The following RNF145 variants were observed in gnomAD, a reference collection of about 807,000 sequenced individuals.
RNF145 encodes the protein ring finger protein 145.
A neutral mutation model predicts 57.3 loss-of-function variants in RNF145; 12 were observed. The ratio of observed to expected loss-of-function variants is 0.21; its 90% CI spans 0.13 to 0.34. The LOEUF (loss-of-function observed/expected upper bound fraction) is 0.34. Among genes scored for constraint, RNF145 ranks in the 10% least tolerant of loss-of-function variants. RNF145 has a pLI of 1.00. For missense variants in RNF145, 429 were observed against 799.0 expected (o/e 0.54, Z 5.58); for synonymous variants, 262 against 288.3 (o/e 0.91, Z 0.92).
intron 8 of RNF145, among the ~76,000 whole-genome samples, chr5:159,168,244 C>CTACT (rs1379410555): frequency 1.3e-5 from 2 of 152,100 alleles, no homozygotes; most frequent in African/African-American, 2.4e-5. Context: ...ATATATACTA[C>CTACT]TACTATGTAT....
chr5:159,169,151 T>C (rs1784470680), intron 7 of RNF145, 96 bp from the exon 8 acceptor site: 2 of 990,816 alleles, frequency 2.0e-6, no homozygotes, highest in East Asian at 2.6e-5. Context: ...TCTTGTTACA[T>C]ATTTTTAAAT....
chr5:159,197,054 G>A (rs1785485223), intron 2 of RNF145, among the ~76,000 whole-genome samples: 1 of 152,142 alleles, frequency 6.6e-6, no homozygotes, highest in Admixed American at 6.5e-5. Context: ...CAAAATTAAT[G>A]TGAATAATAA....
intron 3 of RNF145, among the ~76,000 whole-genome samples, chr5:159,189,667 T>C (rs555191268): frequency 1.3e-5 from 2 of 152,362 alleles, no homozygotes; most frequent in African/African-American, 4.8e-5. Context: ...TTATTCATAA[T>C]AGCTAAAACA....
chr5:159,183,091 T>C (rs1784948013), intron 3 of RNF145, among the ~76,000 whole-genome samples: 1 of 152,154 alleles, frequency 6.6e-6, no homozygotes, highest in Non-Finnish European at 1.5e-5. Flanking sequence ...CTAAAAATTG[T>C]TAAAAGAATT....
chr5:159,208,211 T>TAGCAGCAGC lies in RNF145; in HGVS notation c.-40+1011_-40+1019dup, dbSNP rs1022305858. 3.9e-6 allele frequency: 5 copies of TAGCAGCAGC among 1,297,854 alleles called. No homozygotes were observed. The African/African-American group carries it at 6.0e-5, about 16-fold the overall frequency. 80.4% of individuals were successfully genotyped at this position (1,297,854 alleles called of 1,614,324 possible). A position where few individuals can be genotyped will look rare whatever the true frequency, so the allele number is the denominator to read the frequency against. ...CGGCAAGCAGGCAGCGCAGCAGCAGTAGCAGCAGCAACCGGGCCGCCGCCG... is the reference window on the plus strand; with the variant it reads ...CGGCAAGCAGGCAGCGCAGCAGCAGTAGCAGCAGCAGCAGCAGCAACCGGGCCGCCGCCG... On this transcript the variant is annotated intron_variant, in intron 1 of 10. Coordinates refer to ENST00000424310, the MANE Select transcript of RNF145 (RefSeq NM_001199383.2).
At chr5:159,204,425 T>C (rs972313488) in intron 1 of RNF145, among the ~76,000 whole-genome samples, 1 of 151,954 alleles carries the variant, frequency 6.6e-6, no homozygotes, top group Non-Finnish European at 1.5e-5. Flanking sequence ...AAGGCAGTTA[T>C]CAGGACAATT....
At chr5:159,195,801 CTTA>C (rs1489447398) in intron 2 of RNF145, among the ~76,000 whole-genome samples, 2 of 152,206 alleles carry the variant, frequency 1.3e-5, no homozygotes, top group African/African-American at 2.4e-5. Context: ...TTACTGATAA[CTTA>C]TTATACAGGC....
At chr5:159,168,304 G>A (rs2113106296) in intron 8 of RNF145, among the ~76,000 whole-genome samples, 1 of 152,238 alleles carries the variant, frequency 6.6e-6, no homozygotes, top group South Asian at 2.1e-4. Flanking sequence ...AGATGTACAT[G>A]AATCCAACTA....
In RNF145 at chr5:159,194,726, G is replaced by C; in HGVS notation, c.283C>G (p.Gln95Glu). ...LTALLLYAGH[Q>E]ISRDYVRSEL... is the part of the protein sequence containing the mutation. ...GGGTCATATTCTTACCTGGAAATTT[G>C]ATGTCCAGCATAGAGGAGCAGAGCA... is the stretch of plus-strand genomic sequence containing the variant. The change falls in exon 3 of 11, where the codon CAA becomes GAA. Residue 95 changes from glutamine (Q) to glutamate (E), a missense_variant. Gln to Glu is a conservative substitution (Grantham distance 29, BLOSUM62 2). Transcript: ENST00000424310. 1 of 1,596,106 alleles carries C rather than the reference G, an allele frequency of 6.3e-7. No homozygotes were observed. The highest frequency in any genetic ancestry group is 8.6e-7 in the Non-Finnish European group (1 of 1,166,792).
chr5:159,188,980 C>T (rs1031664046), intron 3 of RNF145, among the ~76,000 whole-genome samples: 56 of 151,720 alleles, frequency 3.7e-4, no homozygotes, highest in African/African-American at 1.3e-3. Context: ...TTTTTAAGTA[C>T]GAAATTAATT....
intron 2 of RNF145, among the ~76,000 whole-genome samples, chr5:159,199,023 T>C (rs1785570696): frequency 6.6e-6 from 1 of 152,182 alleles, no homozygotes; most frequent in Admixed American, 6.5e-5. Flanking sequence ...GGGCACCAGC[T>C]AGGTGCTGGG....
chr5:159,188,441 A>G (rs1184042135), intron 3 of RNF145, among the ~76,000 whole-genome samples: 1 of 152,000 alleles, frequency 6.6e-6, no homozygotes, highest in Non-Finnish European at 1.5e-5. Context: ...TAGAAAAAAC[A>G]TCCATCTGTG....
intron 6 of RNF145, among the ~76,000 whole-genome samples, 198 bp from the exon 7 acceptor site, chr5:159,170,017 A>G (rs1344650173): frequency 6.6e-6 from 1 of 152,218 alleles, no homozygotes; most frequent in African/African-American, 2.4e-5. Flanking sequence ...ACATTTTTCT[A>G]TCTCATTGGC....
At chr5:159,188,393 CAA>C (rs1239278079) in intron 3 of RNF145, among the ~76,000 whole-genome samples, 27 of 118,446 alleles carry the variant, frequency 2.3e-4, no homozygotes, top group Admixed American at 3.5e-4. Context: ...GACTCTGTCT[CAA>C]AAAAAAAAAA....
chr5:159,165,876 T>C (rs1784379797), intron 8 of RNF145, among the ~76,000 whole-genome samples: 3 of 152,342 alleles, frequency 2.0e-5, no homozygotes, highest in East Asian at 1.9e-4. Flanking sequence ...TCTTGTTGCA[T>C]TGGCATCTGG....
chr5:159,207,816 A>T (rs1208491718), intron 1 of RNF145: 2 of 1,614,208 alleles, frequency 1.2e-6, no homozygotes, highest in East Asian at 2.2e-5. Flanking sequence ...AACCGCAAAG[A>T]CAGGGAGTCT....
intron 3 of RNF145, among the ~76,000 whole-genome samples, chr5:159,191,772 C>A (rs1315813748): frequency 6.6e-6 from 1 of 152,020 alleles, no homozygotes; most frequent in East Asian, 1.9e-4. Flanking sequence ...AAACAAAATT[C>A]TATTATTTAA....
At chr5:159,174,686 T>C (rs1233253598) in intron 5 of RNF145, among the ~76,000 whole-genome samples, 1 of 152,156 alleles carries the variant, frequency 6.6e-6, no homozygotes, top group Non-Finnish European at 1.5e-5. Flanking sequence ...TTTTCTCCCA[T>C]ACACATCAAT....
chr5:159,184,479 TA>T (rs1784995750), intron 3 of RNF145, among the ~76,000 whole-genome samples: 1 of 152,198 alleles, frequency 6.6e-6, no homozygotes, highest in South Asian at 2.1e-4. Flanking sequence ...GGAGGGGAGA[TA>T]AATACTTAGT....
Sources: gnomAD v4.1 joint callset for allele counts (sites outside exome capture counted in the v4.1 genomes callset) on GRCh38, gnomAD v4.1.1 for gene constraint, MANE v1.5 for transcripts, NCBI Gene and HGNC (gene_info 2026-07-23, HGNC 2026-07-21) for gene names.